SYT14: variants seen among roughly 807,000 people sequenced by gnomAD.
SYT14 encodes synaptotagmin 14.
A neutral mutation model predicts 74.2 loss-of-function variants in SYT14; 32 were observed. The ratio of observed to expected loss-of-function variants is 0.43; its 90% confidence interval spans 0.33 to 0.58. The LOEUF (loss-of-function observed/expected upper bound fraction) is 0.58. SYT14 is among the 20% of genes least tolerant of loss of function. The pLI, the probability that SYT14 is intolerant of heterozygous loss-of-function variation, is 0.05. For missense variants in SYT14, 791 were observed against 981.8 expected, an observed-to-expected ratio of 0.81 and a Z score of 2.60; for synonymous variants, 298 against 337.7, an observed-to-expected ratio of 0.88 and a Z score of 1.29.
intron 2 of SYT14, among the ~76,000 whole-genome samples, chr1:209,985,860 C>G (rs1233426486): frequency 2.0e-5 from 3 of 152,214 alleles, no homozygotes; most frequent in Non-Finnish European, 2.9e-5. Flanking sequence ...AGCAGCAGCC[C>G]AAGGTATACC....
intron 2 of SYT14, among the ~76,000 whole-genome samples, chr1:209,975,395 T>A (rs1201775884): frequency 3.3e-5 from 5 of 152,222 alleles, no homozygotes; most frequent in African/African-American, 1.2e-4. Context: ...ATACCTAATT[T>A]ATTGAGAGTT....
At chr1:210,043,381 C>G (rs1033982551) in intron 5 of SYT14, among the ~76,000 whole-genome samples, 9 of 151,834 alleles carry the variant, frequency 5.9e-5, no homozygotes, top group Admixed American at 2.0e-4. Context: ...TATATTTCTA[C>G]TCCAACTCTC....
At chr1:209,956,916 T>C (rs1310496074) in intron 2 of SYT14, among the ~76,000 whole-genome samples, 1 of 152,118 alleles carries the variant, frequency 6.6e-6, no homozygotes, top group Non-Finnish European at 1.5e-5. Context: ...TGTGATTGTC[T>C]TTTTTGTCTC....
At chr1:210,154,356 G>A (rs938122421) in intron 7 of SYT14, among the ~76,000 whole-genome samples, 2 of 152,120 alleles carry the variant, frequency 1.3e-5, no homozygotes, top group East Asian at 1.9e-4. Context: ...GCCTGAGCTC[G>A]GCCTCCTGTC....
At chr1:210,109,858 G>A (rs2082228994) in intron 7 of SYT14, among the ~76,000 whole-genome samples, 2 of 152,128 alleles carry the variant, frequency 1.3e-5, no homozygotes, top group South Asian at 4.1e-4. Flanking sequence ...GCAAAACTTG[G>A]AACCAACCCA....
chr1:210,124,483 A>G (rs1234986795), intron 7 of SYT14, among the ~76,000 whole-genome samples: 2 of 152,156 alleles, frequency 1.3e-5, no homozygotes, highest in Admixed American at 6.5e-5. Context: ...ACAATAAATG[A>G]AAAAATCCAG....
chr1:210,033,753 T>C (rs575777316), intron 5 of SYT14, among the ~76,000 whole-genome samples: 7 of 151,918 alleles, frequency 4.6e-5, no homozygotes, highest in African/African-American at 1.4e-4. Flanking sequence ...TTTTAGTCAT[T>C]GTGCCTTGAT....
At chr1:209,943,930 C>T (rs12239724) in intron 1 of SYT14, among the ~76,000 whole-genome samples, 18,511 of 152,004 alleles carry the variant, frequency 0.12, 3,524 homozygotes, top group African/African-American at 0.41. Context: ...CTTGATTTAC[C>T]ATTTTTTTAG....
chr1:209,953,186 CCAA>C, intron 2 of SYT14: 1 of 1,287,880 alleles, frequency 7.8e-7, no homozygotes, highest in Non-Finnish European at 1.0e-6. Context: ...TCCTTTGACA[CCAA>C]CAACTGTCTA....
At chr1:209,987,997 C>T (rs2079600368) in intron 2 of SYT14, among the ~76,000 whole-genome samples, 1 of 152,050 alleles carries the variant, frequency 6.6e-6, no homozygotes, top group African/African-American at 2.4e-5. Flanking sequence ...TGATAGTTTT[C>T]ATTAAATTTG....
intron 5 of SYT14, among the ~76,000 whole-genome samples, chr1:210,032,764 A>G (rs915107896): frequency 6.6e-6 from 1 of 151,822 alleles, no homozygotes; most frequent in African/African-American, 2.4e-5. Context: ...AATACTTACT[A>G]TGAAGACAAT....
chr1:210,052,665 C>CAAAAAAAAAAAAAAAAAAAAAA lies in SYT14; in HGVS notation c.1312+31430_1312+31431insAAAAAAAAAAAAAAAAAAAAAA, dbSNP rs561069342. Among the ~76,000 whole-genome samples the CAAAAAAAAAAAAAAAAAAAAAA allele has an allele frequency of 9.0e-4, 38 of 42,246 alleles. 5 individuals carry two copies. The highest frequency in any genetic ancestry group is 1.3e-3 in the Non-Finnish European group (31 of 23,608). 27.7% of individuals were successfully genotyped at this position (42,246 alleles called of 152,430 possible). A position where few individuals can be genotyped will look rare whatever the true frequency, so the allele number is the denominator to read the frequency against. ...CAGCAAGAGCGAAACTACATCTCAC[C>CAAAAAAAAAAAAAAAAAAAAAA]AAAAAAAAAAAAAAAAAAAGCTCTC... On this transcript the variant is annotated intron_variant, in intron 5 of 9. Coordinates refer to ENST00000637265, the Ensembl canonical transcript of SYT14.
At position 209,939,599 on chromosome 1, in the gene SYT14, C is replaced by T. The variant is rs79402643; in HGVS notation, c.-534+1322C>T. On this transcript the variant is annotated intron_variant, in intron 1 of 9. Transcript: ENST00000637265. ...TTCCTGTTATCTGCAGCAGTACTTT[C>T]AACATTTGTTTCCCTCACTGTCCTT... 8.4e-3 allele frequency among the ~76,000 whole-genome samples: 1,284 copies of T among 152,298 alleles called. 21 individuals are homozygous for T. Among genetic ancestry groups the T allele is most frequent in the African/African-American group, 0.03 (1,239 of 41,560 alleles).
intron 5 of SYT14, among the ~76,000 whole-genome samples, chr1:210,030,946 A>G (rs1031484699): frequency 1.6e-5 from 2 of 127,436 alleles, no homozygotes; most frequent in African/African-American, 7.3e-5. Context: ...TGTTTTGTTG[A>G]GACAGGTTCT....
intron 7 of SYT14, among the ~76,000 whole-genome samples, chr1:210,128,516 T>C (rs574466064): frequency 1.4e-4 from 22 of 152,228 alleles, no homozygotes; most frequent in Non-Finnish European, 2.4e-4. Flanking sequence ...GAACTTAGAC[T>C]TGTTTACCTT....
chr1:210,076,481 C>G (rs2081502818), intron 5 of SYT14, among the ~76,000 whole-genome samples: 1 of 152,188 alleles, frequency 6.6e-6, no homozygotes, highest in South Asian at 2.1e-4. Flanking sequence ...CTTTCTGTCT[C>G]TTTATATTTG....
At chr1:210,169,616 A>C (rs951159740) in exon 10 of SYT14, 2 of 152,050 alleles carry the variant, frequency 1.3e-5, no homozygotes, top group Non-Finnish European at 2.9e-5. Context: ...TGGTGAATAT[A>C]ATATAGTGGC....
At chr1:210,051,956 T>G (rs1192588318) in intron 5 of SYT14, among the ~76,000 whole-genome samples, 2 of 152,234 alleles carry the variant, frequency 1.3e-5, no homozygotes, top group South Asian at 2.1e-4. Context: ...TTTAGAAGAT[T>G]GTTGGATTTC....
In SYT14 at chr1:210,134,567, T is replaced by TC. The variant is rs562271557; in HGVS notation, c.2035-21153dup. On this transcript the variant is annotated intron_variant, in intron 7 of 9. Coordinates refer to ENST00000637265, the Ensembl canonical transcript of SYT14. ...ATACTTAAATCATTTGTAAAACACT[T>TC]CAACTGTTTACAGAGTGTTTTCACA... Among the ~76,000 whole-genome samples the TC allele has an allele frequency of 1.4e-3, 212 of 152,318 alleles. 2 individuals carry two copies. Among genetic ancestry groups the TC allele is most frequent in the African/African-American group, 4.9e-3 (205 of 41,566 alleles).
Sources: allele counts gnomAD v4.1 joint callset (sites outside exome capture counted in the v4.1 genomes callset), GRCh38; gene constraint gnomAD v4.1.1; transcripts MANE v1.5; gene names NCBI Gene and HGNC (gene_info 2026-07-23, HGNC 2026-07-21).